RAB4B: variants seen among roughly 807,000 people sequenced by gnomAD.
RAB4B encodes the protein ras-related protein Rab-4B.
Under a neutral mutation model 28.3 loss-of-function variants are expected in RAB4B, and 15 were observed. That is an observed-to-expected ratio of 0.53 (90% CI 0.35 to 0.82). The LOEUF (loss-of-function observed/expected upper bound fraction) is 0.82. RAB4B is among the 40% of genes least tolerant of loss of function. The probability of loss-of-function intolerance (pLI) is 0.01; values close to 1 mark genes in which losing one functional copy is unlikely to be tolerated. For synonymous variants in RAB4B, 108 were observed against 116.3 expected (o/e 0.93, Z 0.46); for missense variants, 244 against 288.5 (o/e 0.85, Z 1.12).
chr19:40,791,696 T>C (rs1395363534), intron 7 of RAB4B, among the ~76,000 whole-genome samples: 1 of 152,044 alleles, frequency 6.6e-6, no homozygotes, highest in African/African-American at 2.4e-5. Context: ...TGCAGTGGCG[T>C]GATTTCGGCT....
intron 5 of RAB4B, among the ~76,000 whole-genome samples, chr19:40,784,793 G>A (rs974594483): frequency 2.0e-5 from 3 of 151,312 alleles, no homozygotes; most frequent in African/African-American, 7.3e-5. Context: ...CCTGGGTATT[G>A]GTTTAATGTA....
intron 3 of RAB4B, among the ~76,000 whole-genome samples, chr19:40,782,020 CAAAA>C (rs56884543): frequency 0.32 from 34,780 of 108,718 alleles, 5,237 homozygotes; most frequent in East Asian, 0.49. Context: ...GGCTCCGTTT[CAAAA>C]AAAAAAAAAA....
chr19:40,784,173 G>A lies in RAB4B; in HGVS notation c.430+98G>A, dbSNP rs182344497. 7,128 of 1,424,882 alleles carry A rather than the reference G, an allele frequency of 5.0e-3. 67 individuals are homozygous for A. Among genetic ancestry groups the A allele is most frequent in the South Asian group, 0.028 (1,928 of 67,694 alleles). 88.3% of individuals were successfully genotyped at this position (1,424,882 alleles called of 1,614,324 possible). On this transcript the variant is annotated intron_variant, in intron 5 of 7. Coordinates refer to ENST00000357052, the MANE Select transcript of RAB4B (RefSeq NM_016154.5). ...CAGTGGCTGTACCCAGCAGGGGAAC[G>A]TGGAGGTTCAGAAGTCTGGGTTCAA...
At chr19:40,790,220 C>T (rs1344750627) in intron 7 of RAB4B, among the ~76,000 whole-genome samples, 1 of 151,950 alleles carries the variant, frequency 6.6e-6, no homozygotes, top group African/African-American at 2.4e-5. Flanking sequence ...CACCAGGACA[C>T]CAGAGAGGAA....
intron 3 of RAB4B, among the ~76,000 whole-genome samples, chr19:40,782,097 C>A (rs1159423179): frequency 1.3e-5 from 2 of 150,260 alleles, no homozygotes; most frequent in African/African-American, 4.9e-5. Context: ...ATTCAGTCCA[C>A]GGAAAAGTGT....
chr19:40,793,872 C>T (rs1381145795), intron 7 of RAB4B, among the ~76,000 whole-genome samples: 1 of 151,446 alleles, frequency 6.6e-6, no homozygotes, highest in Non-Finnish European at 1.5e-5. Context: ...TTTAGTGAGC[C>T]GAGATCGCAC....
intron 5 of RAB4B, among the ~76,000 whole-genome samples, chr19:40,784,760 AT>A (rs1283285887): frequency 2.7e-5 from 4 of 150,054 alleles, no homozygotes; most frequent in African/African-American, 9.9e-5. Flanking sequence ...TATTTTATTT[AT>A]TTTTTCCTCC....
intron 7 of RAB4B, among the ~76,000 whole-genome samples, chr19:40,794,320 G>T (rs548485830): frequency 6.6e-6 from 1 of 151,260 alleles, no homozygotes; most frequent in African/African-American, 2.4e-5. Context: ...CAGGTGATCC[G>T]TCTGTCAGCC....
rs2083212646 is a variant in RAB4B at position 40,796,662 on chromosome 19, T to C, written c.*108T>C. ...CTGCCCTGGCCCCGGAGAAGCTACG[T>C]TGCCACCTGTCCCCCTTCCCTGGCC... On this transcript the variant is annotated 3_prime_UTR_variant, in exon 8 of 8. Transcript: ENST00000357052. 6.5e-6 allele frequency: 1 copy of C among 152,938 alleles called. No homozygotes were observed. The highest frequency in any genetic ancestry group is 6.5e-5 in the Admixed American group (1 of 15,280). 9.5% of individuals were successfully genotyped at this position (152,938 alleles called of 1,614,324 possible).
Position 40,778,264 on chromosome 19 carries a change from G to C in RAB4B, c.-112G>C, listed in dbSNP as rs1314908568. ...GCGGAGGCGGAAGTGGCGGTGCCGG[G>C]CCCGGGGAGTAGGAAGGAGCCGGGG... On this transcript the variant is annotated 5_prime_UTR_variant, in exon 1 of 8. Transcript: ENST00000357052. The C allele has an allele frequency of 9.4e-7, 1 of 1,061,070 alleles. No homozygotes were observed. The allele number at this position is 1,061,070 out of a possible 1,614,324, so 65.7% of individuals were successfully genotyped here. A position where few individuals can be genotyped will look rare whatever the true frequency, so the allele number is the denominator to read the frequency against.
In RAB4B at chr19:40,790,856, A is replaced by ATT. The variant is rs35337272; in HGVS notation, c.*15+3893_*15+3894dup. On this transcript the variant is annotated intron_variant, in intron 7 of 7. Transcript: ENST00000357052. The stretch of plus-strand genomic sequence containing the variant: ...ACTGCCACAACCAGCTAATTTTTGT[A>ATT]TTTTTTTTTTTTTTTTGGAGATGGA... 3.9e-4 allele frequency among the ~76,000 whole-genome samples: 45 copies of ATT among 116,182 alleles called. 2 individuals are homozygous for ATT. The highest frequency in any genetic ancestry group is 8.2e-4 in the South Asian group (3 of 3,664). 76.2% of individuals were successfully genotyped at this position (116,182 alleles called of 152,430 possible).
At chr19:40,790,767 C>T (rs549624588) in intron 7 of RAB4B, among the ~76,000 whole-genome samples, 60 of 151,306 alleles carry the variant, frequency 4.0e-4, no homozygotes, top group African/African-American at 1.2e-3. Flanking sequence ...CTGCGACCTC[C>T]GCCTCCCGGG....
chr19:40,782,088 T>C (rs996124870), intron 3 of RAB4B, among the ~76,000 whole-genome samples: 3 of 146,972 alleles, frequency 2.0e-5, no homozygotes, highest in African/African-American at 7.6e-5. Flanking sequence ...ATAGAGGGAA[T>C]TCAGTCCACG....
Position 40,786,985 on chromosome 19 carries a change from C to T in RAB4B, c.*15+7C>T. 2 of 1,610,186 alleles carry T rather than the reference C, an allele frequency of 1.2e-6. No homozygotes were observed. The highest frequency in any genetic ancestry group is 1.7e-6 in the Non-Finnish European group (2 of 1,177,204). On this transcript the variant is annotated splice_region_variant and intron_variant, in intron 7 of 7. Coordinates refer to ENST00000357052, the MANE Select transcript of RAB4B (RefSeq NM_016154.5). The stretch of plus-strand genomic sequence containing the variant: ...CTGAGCTCTGTGGAGCCAGGTGGGA[C>T]ACTGGGGGCTTTAGGGAGGCAGGGC...
intron 7 of RAB4B, among the ~76,000 whole-genome samples, chr19:40,794,010 A>G (rs1211000947): frequency 6.6e-6 from 1 of 152,124 alleles, no homozygotes; most frequent in Non-Finnish European, 1.5e-5. Flanking sequence ...CAGCCTCCCA[A>G]AGTGCTAAGA....
At chr19:40,782,147 G>A (rs2083055415) in intron 3 of RAB4B, among the ~76,000 whole-genome samples, 2 of 152,088 alleles carry the variant, frequency 1.3e-5, no homozygotes, top group Admixed American at 6.6e-5. Flanking sequence ...GTTAATTCTT[G>A]CGTATGGATT....
chr19:40,794,303 C>T (rs977182942), intron 7 of RAB4B, among the ~76,000 whole-genome samples: 3 of 151,918 alleles, frequency 2.0e-5, no homozygotes, highest in African/African-American at 7.3e-5. Context: ...TCTCAAACTC[C>T]TGACCTCAGG....
At position 40,778,259 on chromosome 19, in the gene RAB4B, G is replaced by T. The variant is rs369735666; in HGVS notation, c.-117G>T. On this transcript the variant is annotated 5_prime_UTR_variant, in exon 1 of 8. Coordinates refer to ENST00000357052, the MANE Select transcript of RAB4B (RefSeq NM_016154.5). ...GGGGGGCGGAGGCGGAAGTGGCGGT[G>T]CCGGGCCCGGGGAGTAGGAAGGAGC... 3.7e-5 allele frequency: 37 copies of T among 1,000,714 alleles called. No homozygotes were observed. Among genetic ancestry groups the T allele is most frequent in the South Asian group, 2.9e-4 (17 of 58,840 alleles). The allele number at this position is 1,000,714 out of a possible 1,614,324, so 62.0% of individuals were successfully genotyped here.
chr19:40,789,810 T>C (rs1253534451), intron 7 of RAB4B, among the ~76,000 whole-genome samples: 1 of 152,186 alleles, frequency 6.6e-6, no homozygotes, highest in Non-Finnish European at 1.5e-5. Flanking sequence ...AGAGTGTACA[T>C]TTAAACAAGA....
Sources: allele counts gnomAD v4.1 joint callset (sites outside exome capture counted in the v4.1 genomes callset), GRCh38; gene constraint gnomAD v4.1.1; transcripts MANE v1.5; gene names NCBI Gene and HGNC (gene_info 2026-07-23, HGNC 2026-07-21).